Variants in PPARG observed in about 807,000 individuals in gnomAD.
PPARG encodes the protein peroxisome proliferator activated receptor gamma.
In PPARG, 17 loss-of-function variants were observed where a neutral mutation model predicts 39.2. The ratio of observed to expected loss-of-function variants is 0.43; its 90% confidence interval spans 0.30 to 0.65. The LOEUF (loss-of-function observed/expected upper bound fraction) is 0.65. Among genes scored for constraint, PPARG ranks in the 30% least tolerant of loss-of-function variants. PPARG has a pLI of 0.13. For missense variants in PPARG, 406 were observed against 585.9 expected, an observed-to-expected ratio of 0.69 and a Z score of 3.17; for synonymous variants, 223 against 215.7, an observed-to-expected ratio of 1.03 and a Z score of -0.30.
At chr3:12,432,390 A>G (rs2051691528) in intron 7 of PPARG, among the ~76,000 whole-genome samples, 1 of 151,798 alleles carries the variant, frequency 6.6e-6, no homozygotes, top group Non-Finnish European at 1.5e-5. Context: ...AACTCTTCAG[A>G]TATCATAGCT....
intron 1 of PPARG, among the ~76,000 whole-genome samples, chr3:12,298,298 CAAAAAAAAAAAAA>C (rs58459399): frequency 9.7e-5 from 4 of 41,358 alleles, no homozygotes; most frequent in South Asian, 1.1e-3. Flanking sequence ...GACTCTGTCT[CAAAAAAAAAAAAA>C]AAAAAAAAAA....
intron 2 of PPARG, among the ~76,000 whole-genome samples, chr3:12,317,519 C>T (rs2047422004): frequency 6.6e-6 from 1 of 152,120 alleles, no homozygotes. Flanking sequence ...TCAGAGTTTT[C>T]ATAATGGCAA....
intron 5 of PPARG, among the ~76,000 whole-genome samples, chr3:12,401,297 A>G (rs1366511011): frequency 6.6e-6 from 1 of 152,194 alleles, no homozygotes; most frequent in African/African-American, 2.4e-5. Context: ...GAAAGATAGA[A>G]ATAGAGATAG....
intron 5 of PPARG, among the ~76,000 whole-genome samples, chr3:12,394,849 G>A (rs1469577110): frequency 3.3e-5 from 5 of 152,144 alleles, no homozygotes; most frequent in Non-Finnish European, 4.4e-5. Context: ...AAGCCAACAG[G>A]GTTTTCATTC....
intron 6 of PPARG, among the ~76,000 whole-genome samples, chr3:12,409,013 G>T (rs2050780098): frequency 6.6e-6 from 1 of 152,170 alleles, no homozygotes; most frequent in South Asian, 2.1e-4. Flanking sequence ...CAGGTATTAA[G>T]CTATTTAAAG....
chr3:12,318,458 T>A (rs2047448242), intron 2 of PPARG, among the ~76,000 whole-genome samples: 1 of 152,344 alleles, frequency 6.6e-6, no homozygotes, highest in Admixed American at 6.5e-5. Flanking sequence ...TTAAAAAATA[T>A]TCATTTAAAA....
At chr3:12,307,014 C>T (rs563751804) in intron 1 of PPARG, among the ~76,000 whole-genome samples, 71 of 143,666 alleles carry the variant, frequency 4.9e-4, no homozygotes, top group African/African-American at 1.7e-3. Context: ...AGGAGAATGG[C>T]GTGAACCCGG....
At chr3:12,390,069 G>A (rs2938394) in intron 4 of PPARG, among the ~76,000 whole-genome samples, 105,849 of 152,096 alleles carry the variant, frequency 0.7, 37,627 homozygotes, top group African/African-American at 0.84. Flanking sequence ...CTAAAATTCA[G>A]TTTTAAGGAA....
chr3:12,325,658 C>G (rs1403478342), intron 2 of PPARG, among the ~76,000 whole-genome samples: 1 of 151,274 alleles, frequency 6.6e-6, no homozygotes, highest in Non-Finnish European at 1.5e-5. Flanking sequence ...AGTCTTTTTT[C>G]TCCACTTTGA....
intron 2 of PPARG, among the ~76,000 whole-genome samples, chr3:12,355,089 G>A (rs4135247): frequency 0.63 from 95,349 of 152,014 alleles, 30,695 homozygotes; most frequent in African/African-American, 0.77. Context: ...AATGTTTTTC[G>A]TACACTGAAG....
intron 2 of PPARG, among the ~76,000 whole-genome samples, chr3:12,378,614 A>G (rs1415393621): frequency 6.6e-6 from 1 of 152,138 alleles, no homozygotes; most frequent in African/African-American, 2.4e-5. Context: ...CGTGGAATCT[A>G]AAAAAGTCGA....
At chr3:12,301,090 T>G (rs7648033) in intron 1 of PPARG, among the ~76,000 whole-genome samples, 7,947 of 152,306 alleles carry the variant, frequency 0.052, 690 homozygotes, top group African/African-American at 0.18. Context: ...AAATTTCCAT[T>G]TTGTTATTCT....
intron 4 of PPARG, 83 bp from the exon 5 acceptor site, chr3:12,392,531 A>G (rs2050112806): frequency 1.3e-6 from 2 of 1,511,682 alleles, no homozygotes; most frequent in Non-Finnish European, 9.2e-7. Flanking sequence ...TCTGATTCCC[A>G]GGCCAGTATA....
intron 1 of PPARG, among the ~76,000 whole-genome samples, chr3:12,296,273 A>AAAAAAAAAAAAAC (rs2046783559): frequency 6.6e-6 from 1 of 151,514 alleles, no homozygotes; most frequent in African/African-American, 2.4e-5. Context: ...AAAAAAAAAA[A>AAAAAAAAAAAAAC]AAAAAAGAAT....
chr3:12,430,651 A>T (rs1413637485), intron 7 of PPARG, among the ~76,000 whole-genome samples: 1 of 152,200 alleles, frequency 6.6e-6, no homozygotes, highest in Non-Finnish European at 1.5e-5. Flanking sequence ...AGTGAATGTA[A>T]TCTACTAGTA....
chr3:12,321,160 G>T (rs1017606307), intron 2 of PPARG, among the ~76,000 whole-genome samples: 2 of 152,140 alleles, frequency 1.3e-5, no homozygotes, highest in Non-Finnish European at 2.9e-5. Flanking sequence ...TTTAAAATGT[G>T]TGGCCTCTGT....
intron 5 of PPARG, among the ~76,000 whole-genome samples, chr3:12,394,185 C>T (rs2050179019): frequency 6.6e-6 from 1 of 152,158 alleles, no homozygotes; most frequent in Admixed American, 6.5e-5. Context: ...AAATCATTGA[C>T]TTTGAGGTCA....
chr3:12,410,327 T>G (rs1387291529), intron 6 of PPARG, among the ~76,000 whole-genome samples: 1 of 152,234 alleles, frequency 6.6e-6, no homozygotes, highest in Non-Finnish European at 1.5e-5. Context: ...AAGTGCCCAG[T>G]GTTTGACTAT....
intron 2 of PPARG, among the ~76,000 whole-genome samples, chr3:12,341,288 C>A (rs1436661528): frequency 6.6e-6 from 1 of 151,998 alleles, no homozygotes; most frequent in Non-Finnish European, 1.5e-5. Flanking sequence ...AAATAAAATT[C>A]TCTAAAAATA....
Sources: gnomAD v4.1 joint callset for allele counts (sites outside exome capture counted in the v4.1 genomes callset) on GRCh38, gnomAD v4.1.1 for gene constraint, MANE v1.5 for transcripts, NCBI Gene and HGNC (gene_info 2026-07-23, HGNC 2026-07-21) for gene names.